CDK6: variants seen among roughly 807,000 people sequenced by gnomAD.
The protein encoded by CDK6 is cyclin-dependent kinase 6.
A neutral mutation model predicts 37.1 loss-of-function variants in CDK6; 6 were observed. The ratio of observed to expected loss-of-function variants is 0.16; its 90% CI spans 0.09 to 0.32. The LOEUF (loss-of-function observed/expected upper bound fraction) is 0.32. Ranked by LOEUF, CDK6 falls within the 10% of genes least tolerant of loss-of-function variation. The pLI is 1.00. For synonymous variants in CDK6, 160 were observed against 161.3 expected, an observed-to-expected ratio of 0.99 and a Z score of 0.06; for missense variants, 224 against 418.9, an observed-to-expected ratio of 0.53 and a Z score of 4.06.
chr7:92,713,100 C>T (rs1371923208), intron 4 of CDK6, among the ~76,000 whole-genome samples: 1 of 152,112 alleles, frequency 6.6e-6, no homozygotes, highest in African/African-American at 2.4e-5. Flanking sequence ...ACCTCATGAT[C>T]TGCCTGCTTC....
rs3839839 is a variant in CDK6 at position 92,658,581 on chromosome 7, TTCTCTCTC to T, written c.647+12837_647+12844del. The stretch of plus-strand genomic sequence containing the variant: ...TTTAGCATTTATAAACTCTCTCTCT[TTCTCTCTC>T]TCTCTCTCTCTCTCTCTCATTTGTA... On this transcript the variant is annotated intron_variant, in intron 5 of 7. Transcript: ENST00000424848. Among the ~76,000 whole-genome samples, 146 of 146,528 alleles carry T rather than the reference TTCTCTCTC, an allele frequency of 1.0e-3. 2 individuals carry two copies. The highest frequency in any genetic ancestry group is 3.3e-3 in the African/African-American group (129 of 39,632).
intron 4 of CDK6, among the ~76,000 whole-genome samples, chr7:92,700,768 G>C (rs546818368): frequency 6.6e-6 from 1 of 152,322 alleles, no homozygotes; most frequent in South Asian, 2.1e-4. Context: ...TCAGTGGAGA[G>C]GAGTGAGAGA....
chr7:92,639,650 A>AT (rs1392668897), intron 5 of CDK6, among the ~76,000 whole-genome samples: 1 of 151,976 alleles, frequency 6.6e-6, no homozygotes, highest in East Asian at 1.9e-4. Flanking sequence ...TTTTCTGTAA[A>AT]TTTTTTTGTT....
chr7:92,690,060 T>G (rs1332275872), intron 4 of CDK6, among the ~76,000 whole-genome samples: 1 of 152,134 alleles, frequency 6.6e-6, no homozygotes, highest in Non-Finnish European at 1.5e-5. Flanking sequence ...TTTTCTCCCA[T>G]TCTGTAGGCT....
At chr7:92,697,086 G>C (rs1430485615) in intron 4 of CDK6, among the ~76,000 whole-genome samples, 1 of 152,166 alleles carries the variant, frequency 6.6e-6, no homozygotes, top group Non-Finnish European at 1.5e-5. Context: ...TGAGAGAACT[G>C]TTTTTCAGGA....
At chr7:92,724,081 A>G (rs1218929320) in intron 4 of CDK6, among the ~76,000 whole-genome samples, 1 of 152,094 alleles carries the variant, frequency 6.6e-6, no homozygotes, top group African/African-American at 2.4e-5. Flanking sequence ...TACTCCCCTG[A>G]TGACTCTCTG....
chr7:92,625,537 A>T (rs77283770), intron 5 of CDK6, among the ~76,000 whole-genome samples: 2 of 150,208 alleles, frequency 1.3e-5, no homozygotes, highest in Non-Finnish European at 3.0e-5. Context: ...TTTTGCAAAA[A>T]AAAACAAAAC....
At chr7:92,676,009 T>C (rs1488166441) in intron 4 of CDK6, among the ~76,000 whole-genome samples, 1 of 152,020 alleles carries the variant, frequency 6.6e-6, no homozygotes, top group Non-Finnish European at 1.5e-5. Context: ...ATTATTTATA[T>C]AAAAAAACTG....
In CDK6 at chr7:92,608,063, G is replaced by A; in HGVS notation, c.*7077C>T. 4.3e-6 allele frequency: 1 copy of A among 233,018 alleles called. No homozygotes were observed. 14.4% of individuals were successfully genotyped at this position (233,018 alleles called of 1,614,324 possible). ...AGAAACTTTCAAGTAAGGGTACAAC[G>A]GGTATCTTCAGAACTTTAACCTAAG... is the stretch of plus-strand genomic sequence containing the variant. On this transcript the variant is annotated 3_prime_UTR_variant, in exon 8 of 8. Transcript: ENST00000424848.
At chr7:92,750,121 T>C (rs989951100) in intron 3 of CDK6, among the ~76,000 whole-genome samples, 3 of 152,194 alleles carry the variant, frequency 2.0e-5, no homozygotes, top group Non-Finnish European at 2.9e-5. Flanking sequence ...GTTTTAAATA[T>C]AGGTCTTTAT....
rs112725862 is a variant in CDK6, at chr7:92,748,665, A to T, written c.370-22872T>A. Among the ~76,000 whole-genome samples the T allele has an allele frequency of 3.6e-3, 548 of 152,232 alleles. 1 individual carries two copies. The highest frequency in any genetic ancestry group is 6.8e-3 in the Middle Eastern group (2 of 294). ...GTAACCAGGTGTCTTGTTGCTAGGG[A>T]CTCTCTTTCATAACATAGAATAAAT... On this transcript the variant is annotated intron_variant, in intron 3 of 7. Coordinates refer to ENST00000424848, the MANE Select transcript of CDK6 (RefSeq NM_001145306.2).
chr7:92,638,170 A>T (rs1796217562), intron 5 of CDK6, among the ~76,000 whole-genome samples: 3 of 152,206 alleles, frequency 2.0e-5, no homozygotes, highest in Non-Finnish European at 2.9e-5. Context: ...GAAATTTATA[A>T]ATTTTCCAAA....
At chr7:92,811,411 G>A (rs1800881742) in intron 2 of CDK6, among the ~76,000 whole-genome samples, 1 of 152,104 alleles carries the variant, frequency 6.6e-6, no homozygotes, top group Non-Finnish European at 1.5e-5. Flanking sequence ...CTTACCGTGT[G>A]TAAAAACAAA....
chr7:92,688,113 ACAGG>A (rs1797505787), intron 4 of CDK6, among the ~76,000 whole-genome samples: 1 of 152,154 alleles, frequency 6.6e-6, no homozygotes, highest in Non-Finnish European at 1.5e-5. Flanking sequence ...CTTGTTGGAT[ACAGG>A]CATGCATTTC....
intron 5 of CDK6, among the ~76,000 whole-genome samples, chr7:92,642,935 C>T (rs371702283): frequency 6.6e-6 from 1 of 151,208 alleles, no homozygotes; most frequent in Non-Finnish European, 1.5e-5. Flanking sequence ...ACCTCTGTCA[C>T]CAAAGCTGGA....
intron 6 of CDK6, 28 bp from the exon 7 acceptor site, chr7:92,618,235 G>T (rs371495343): frequency 6.2e-7 from 1 of 1,611,514 alleles, no homozygotes; most frequent in Admixed American, 1.7e-5. Flanking sequence ...ATGGACATAA[G>T]CATTAGCTAC....
At chr7:92,711,629 G>A (rs1259552158) in intron 4 of CDK6, among the ~76,000 whole-genome samples, 1 of 127,414 alleles carries the variant, frequency 7.8e-6, no homozygotes, top group African/African-American at 3.0e-5. Context: ...GCAGTGGCAT[G>A]ATCTCTCAGC....
Position 92,833,383 on chromosome 7 carries a change from G to C in CDK6, c.-60C>G, listed in dbSNP as rs1801545501. 2 of 1,208,400 alleles carry C rather than the reference G, an allele frequency of 1.7e-6. No individual in the cohort carries two copies. Among genetic ancestry groups the C allele is most frequent in the Non-Finnish European group, 2.3e-6 (2 of 880,122 alleles). The allele number at this position is 1,208,400 out of a possible 1,614,324, so 74.9% of individuals were successfully genotyped here. On this transcript the variant is annotated 5_prime_UTR_variant, in exon 2 of 8. Transcript: ENST00000424848. This position sits in a 1 kb window ranked among gnomAD's most constrained non-coding sequence, Gnocchi z 6.1. Reference sequence around the variant, plus strand: ...GGCGGGCGGGGGGTGCGCTCAACTAGCTGGCGGCCGCCGCTCGCCTACTCC... The same window carrying C: ...GGCGGGCGGGGGGTGCGCTCAACTACCTGGCGGCCGCCGCTCGCCTACTCC...
chr7:92,667,151 T>C (rs1796975237), intron 5 of CDK6, among the ~76,000 whole-genome samples: 1 of 152,152 alleles, frequency 6.6e-6, no homozygotes, highest in African/African-American at 2.4e-5. Flanking sequence ...TAAAAAAGCT[T>C]ATAGAATGAG....
Sources: gnomAD v4.1 joint callset for allele counts (sites outside exome capture counted in the v4.1 genomes callset) on GRCh38, gnomAD v4.1.1 for gene constraint, Gnocchi (gnomAD v3.1) non-coding constraint, MANE v1.5 for transcripts, NCBI Gene and HGNC (gene_info 2026-07-23, HGNC 2026-07-21) for gene names.